DLGAP2: variants seen among roughly 807,000 people sequenced by gnomAD.
The protein encoded by DLGAP2 is disks large-associated protein 2.
A neutral mutation model predicts 100.3 loss-of-function variants in DLGAP2; 26 were observed. The ratio of observed to expected loss-of-function variants is 0.26; its 90% CI spans 0.19 to 0.36. The LOEUF (loss-of-function observed/expected upper bound fraction) is 0.36, where lower values mean the gene tolerates loss of function less well. DLGAP2 is among the 10% of genes least tolerant of loss of function. The probability of loss-of-function intolerance (pLI) is 1.00; values close to 1 mark genes in which losing one functional copy is unlikely to be tolerated. For missense variants in DLGAP2, 1,858 were observed against 1,453.2 expected (o/e 1.28, Z -4.53); for synonymous variants, 886 against 630.1 (o/e 1.41, Z -6.08).
intron 2 of DLGAP2, among the ~76,000 whole-genome samples, chr8:1,024,631 C>A (rs373276760): frequency 2.6e-5 from 4 of 152,184 alleles, no homozygotes; most frequent in Admixed American, 2.0e-4. Context: ...TGTTGTATGA[C>A]TGGAGACAGA....
intron 3 of DLGAP2, among the ~76,000 whole-genome samples, chr8:1,325,154 C>A (rs978279549): frequency 6.6e-6 from 1 of 152,206 alleles, no homozygotes; most frequent in Non-Finnish European, 1.5e-5. Flanking sequence ...GGGTCACTTT[C>A]CCCCAGTCCC....
chr8:1,369,790 A>G (rs547702019), intron 3 of DLGAP2: 23 of 152,384 alleles, frequency 1.5e-4, no homozygotes, highest in African/African-American at 5.3e-4. Flanking sequence ...CACAGCAGTG[A>G]TGTAGGAAAA....
chr8:1,198,339 A>G (rs1053822374), intron 2 of DLGAP2, among the ~76,000 whole-genome samples: 6 of 152,132 alleles, frequency 3.9e-5, no homozygotes, highest in Admixed American at 1.3e-4. Flanking sequence ...TGAAATGACA[A>G]CAACAGCTTC....
chr8:984,410 C>T (rs1180257498), intron 2 of DLGAP2, among the ~76,000 whole-genome samples: 1 of 152,216 alleles, frequency 6.6e-6, no homozygotes. Flanking sequence ...GGCTCAAAGC[C>T]CCTGCCTCCA....
chr8:1,243,643 G>T (rs1798844694), intron 2 of DLGAP2, among the ~76,000 whole-genome samples: 1 of 151,894 alleles, frequency 6.6e-6, no homozygotes, highest in African/African-American at 2.4e-5. Context: ...AGGATTCATG[G>T]CACGGTTCCC....
At chr8:1,176,121 A>T (rs1375544994) in intron 2 of DLGAP2, among the ~76,000 whole-genome samples, 2 of 152,182 alleles carry the variant, frequency 1.3e-5, no homozygotes, top group East Asian at 3.9e-4. Flanking sequence ...ACAGTTCCAC[A>T]TGGCTGGAGA....
chr8:873,672 G>C (rs185334371), intron 1 of DLGAP2, among the ~76,000 whole-genome samples: 16 of 152,154 alleles, frequency 1.1e-4, no homozygotes, highest in Admixed American at 8.5e-4. Flanking sequence ...TGATATTAGA[G>C]TAATATTGGC....
intron 2 of DLGAP2, among the ~76,000 whole-genome samples, chr8:1,198,442 G>A (rs550020171): frequency 6.6e-6 from 1 of 152,026 alleles, no homozygotes; most frequent in Non-Finnish European, 1.5e-5. Flanking sequence ...GCAGGTGGCA[G>A]CTGCCTCCCA....
intron 2 of DLGAP2, among the ~76,000 whole-genome samples, chr8:1,143,367 A>G (rs1168505875): frequency 6.6e-6 from 1 of 152,210 alleles, no homozygotes; most frequent in Non-Finnish European, 1.5e-5. Flanking sequence ...TTTTTAGTTT[A>G]CTGTTTCACC....
chr8:1,512,026 A>C (rs1800183310), intron 4 of DLGAP2, among the ~76,000 whole-genome samples: 1 of 152,240 alleles, frequency 6.6e-6, no homozygotes, highest in South Asian at 2.1e-4. Context: ...TCTGACTAAC[A>C]ATCTTCAGAA....
chr8:1,453,686 A>C (rs929924018), intron 3 of DLGAP2, among the ~76,000 whole-genome samples: 1 of 152,184 alleles, frequency 6.6e-6, no homozygotes, highest in Non-Finnish European at 1.5e-5. Context: ...CCTGGGCCTG[A>C]GAAGCGGGAG....
rs1261409331 is a variant in DLGAP2 at position 1,169,556 on chromosome 8, A to C, written c.74-89295A>C. The stretch of plus-strand genomic sequence containing the variant: ...ATTTGTTTGTATCCTCTTTAATTTC[A>C]CTGAGCAGTGGTTTTTAGTTGTCCT... On this transcript the variant is annotated intron_variant, in intron 2 of 14. Coordinates refer to ENST00000637795, the MANE Select transcript of DLGAP2 (RefSeq NM_001346810.2). Among the ~76,000 whole-genome samples the C allele has an allele frequency of 2.0e-5, 3 of 152,150 alleles. No homozygotes were observed. In the East Asian group the frequency reaches 5.8e-4, roughly 29 times the overall value.
intron 3 of DLGAP2, among the ~76,000 whole-genome samples, chr8:1,284,589 A>G (rs188057200): frequency 2.2e-4 from 33 of 152,212 alleles, no homozygotes; most frequent in African/African-American, 7.5e-4. Context: ...TGTCCATCAC[A>G]ACACATTTTT....
chr8:1,672,311 C>T (rs1160908290), intron 10 of DLGAP2, among the ~76,000 whole-genome samples: 1 of 151,402 alleles, frequency 6.6e-6, no homozygotes, highest in African/African-American at 2.4e-5. Flanking sequence ...CTGCAGCCTC[C>T]GCCTCCACCT....
chr8:779,193 T>C (rs1438427970), intron 1 of DLGAP2, among the ~76,000 whole-genome samples: 1 of 152,266 alleles, frequency 6.6e-6, no homozygotes, highest in Non-Finnish European at 1.5e-5. Context: ...CTCGCCCTGC[T>C]TCGGCTCGCG....
chr8:1,451,925 G>A (rs1249861488), intron 3 of DLGAP2, among the ~76,000 whole-genome samples: 2 of 152,208 alleles, frequency 1.3e-5, no homozygotes, highest in African/African-American at 4.8e-5. Context: ...CCCACACCCT[G>A]CTCTCTTCCG....
At chr8:823,237 C>G (rs929122841) in intron 1 of DLGAP2, among the ~76,000 whole-genome samples, 5 of 152,144 alleles carry the variant, frequency 3.3e-5, no homozygotes, top group African/African-American at 9.7e-5. Flanking sequence ...ACCTCAGGAA[C>G]AGGCAGCTCT....
intron 1 of DLGAP2, among the ~76,000 whole-genome samples, chr8:799,407 C>T (rs1219071399): frequency 6.6e-6 from 1 of 152,008 alleles, no homozygotes; most frequent in African/African-American, 2.4e-5. Context: ...TGGGAGGTGG[C>T]CGTACCAGAG....
intron 6 of DLGAP2, among the ~76,000 whole-genome samples, chr8:1,596,768 G>C (rs933675366): frequency 1.3e-5 from 2 of 151,990 alleles, no homozygotes; most frequent in African/African-American, 4.8e-5. Context: ...TGTAGATTCT[G>C]GATATTAGCC....
Sources: allele counts gnomAD v4.1 joint callset (sites outside exome capture counted in the v4.1 genomes callset), GRCh38; gene constraint gnomAD v4.1.1; transcripts MANE v1.5; gene names NCBI Gene and HGNC (gene_info 2026-07-23, HGNC 2026-07-21).